CNTN5: variants seen among roughly 807,000 people sequenced by gnomAD.
CNTN5 encodes the protein contactin-5.
A neutral mutation model predicts 129.1 loss-of-function variants in CNTN5; 77 were observed. That is an observed-to-expected ratio of 0.60 (90% CI 0.50 to 0.72). CNTN5 has a LOEUF of 0.72. Among genes scored for constraint, CNTN5 ranks in the 30% least tolerant of loss-of-function variants. The pLI is 0.00. For missense variants in CNTN5, 1,478 were observed against 1,328.8 expected (o/e 1.11, Z -1.75); for synonymous variants, 509 against 465.6 (o/e 1.09, Z -1.20).
intron 21 of CNTN5, among the ~76,000 whole-genome samples, chr11:100,330,934 G>A (rs560741080): frequency 2.6e-4 from 39 of 152,136 alleles, no homozygotes; most frequent in African/African-American, 9.4e-4. Flanking sequence ...AAAAAACAAG[G>A]TATTCAGGCA....
intron 4 of CNTN5, among the ~76,000 whole-genome samples, chr11:99,825,182 C>T (rs1460795214): frequency 1.3e-5 from 2 of 151,914 alleles, no homozygotes; most frequent in East Asian, 3.9e-4. Context: ...TTAAAAGTAG[C>T]CAGTATCTGC....
intron 1 of CNTN5, among the ~76,000 whole-genome samples, chr11:99,304,903 G>T (rs979752679): frequency 4.6e-5 from 7 of 152,102 alleles, no homozygotes; most frequent in Non-Finnish European, 1.0e-4. Context: ...AAATAAATAA[G>T]TAGATCAAGT....
rs573676132 is a variant in CNTN5, at chr11:99,975,626, C to T, written c.877+18617C>T. On this transcript the variant is annotated intron_variant, in intron 8 of 24. Transcript: ENST00000524871. ...TGAAGGAAAAGTAAGGCATATCTTA[C>T]GTGGCAGCAGGAGAGAGAGATCGCG... Among the ~76,000 whole-genome samples the T allele has an allele frequency of 9.3e-4, 140 of 151,132 alleles. 5 individuals are homozygous for T. The South Asian group carries it at 0.028, about 30-fold the overall frequency.
At chr11:100,277,002 C>T (rs1020519921) in intron 18 of CNTN5, among the ~76,000 whole-genome samples, 2 of 152,014 alleles carry the variant, frequency 1.3e-5, no homozygotes, top group African/African-American at 4.8e-5. Context: ...GGTAACCAAC[C>T]TTCTACTCTC....
chr11:99,536,734 T>C (rs1361616729), intron 2 of CNTN5, among the ~76,000 whole-genome samples: 1 of 151,878 alleles, frequency 6.6e-6, no homozygotes, highest in Non-Finnish European at 1.5e-5. Flanking sequence ...GGAGAAAATA[T>C]TATTACTAAC....
rs1341581988 is a variant in CNTN5, at chr11:99,613,333, C to T, written c.55+57064C>T. ...GGGGCTCTTCCCGGCTTCGCTGGGC[C>T]TGTCTTCTTCCTGCAGTCTTGGGGA... On this transcript the variant is annotated intron_variant, in intron 3 of 24. Coordinates refer to ENST00000524871, the MANE Select transcript of CNTN5 (RefSeq NM_014361.4). Among the ~76,000 whole-genome samples the T allele has an allele frequency of 2.6e-5, 4 of 152,176 alleles. No homozygotes were observed. In the East Asian group the frequency reaches 5.8e-4, roughly 22 times the overall value.
intron 2 of CNTN5, among the ~76,000 whole-genome samples, chr11:99,496,423 AAGG>A (rs1946228957): frequency 6.6e-6 from 1 of 152,184 alleles, no homozygotes; most frequent in Non-Finnish European, 1.5e-5. Flanking sequence ...TCATAAATCT[AAGG>A]AGAAGAATGT....
rs188308982 is a variant in CNTN5 at position 100,014,271 on chromosome 11, C to G, written c.980+12135C>G. ...CTCTGCATAACAGCAGTATCTCTAACTCACCTCAAACCATTGGCATCATTA... is the reference window on the plus strand; with the variant it reads ...CTCTGCATAACAGCAGTATCTCTAAGTCACCTCAAACCATTGGCATCATTA... On this transcript the variant is annotated intron_variant, in intron 9 of 24. Transcript: ENST00000524871. Among the ~76,000 whole-genome samples, 331 of 152,264 alleles carry G rather than the reference C, an allele frequency of 2.2e-3. 1 individual carries two copies. The highest frequency in any genetic ancestry group is 0.02 in the Middle Eastern group (6 of 294).
chr11:99,328,906 A>G (rs2136019057), intron 2 of CNTN5, among the ~76,000 whole-genome samples: 1 of 134,930 alleles, frequency 7.4e-6, no homozygotes, highest in Non-Finnish European at 1.6e-5. Context: ...AACAGGAAAA[A>G]GAAAAAAAAA....
At chr11:99,329,560 A>G (rs1339695925) in intron 2 of CNTN5, among the ~76,000 whole-genome samples, 1 of 152,174 alleles carries the variant, frequency 6.6e-6, no homozygotes, top group Non-Finnish European at 1.5e-5. Flanking sequence ...CTATCTCTTC[A>G]TTAGATGGGT....
intron 1 of CNTN5, among the ~76,000 whole-genome samples, chr11:99,161,918 T>A (rs1860629750): frequency 6.6e-6 from 1 of 152,178 alleles, no homozygotes; most frequent in South Asian, 2.1e-4. Context: ...TAAAACACTA[T>A]GCAAAATCCA....
chr11:99,963,889 G>T (rs10791071), intron 8 of CNTN5, among the ~76,000 whole-genome samples: 84,570 of 151,796 alleles, frequency 0.56, 24,260 homozygotes, highest in African/African-American at 0.67. Context: ...TTGTAAGTTG[G>T]ATTCCTAAGT....
At chr11:99,578,502 C>T (rs966882172) in intron 3 of CNTN5, among the ~76,000 whole-genome samples, 7 of 150,674 alleles carry the variant, frequency 4.6e-5, no homozygotes, top group East Asian at 1.9e-4. Flanking sequence ...TGTTTCCTGA[C>T]TTTTTAATGA....
At chr11:99,059,613 C>G (rs1160301270) in intron 1 of CNTN5, among the ~76,000 whole-genome samples, 2 of 151,794 alleles carry the variant, frequency 1.3e-5, no homozygotes, top group African/African-American at 2.4e-5. Context: ...TTGAAAGAGT[C>G]CTTGCTGCCA....
chr11:99,058,157 G>T (rs1237892629), intron 1 of CNTN5, among the ~76,000 whole-genome samples: 1 of 152,042 alleles, frequency 6.6e-6, no homozygotes, highest in East Asian at 1.9e-4. Flanking sequence ...TCCTGAGTGA[G>T]TTGGGAAGCC....
rs188309461 is a variant in CNTN5 at position 99,937,419 on chromosome 11, C to T, written c.674-19387C>T. Among the ~76,000 whole-genome samples the T allele has an allele frequency of 5.9e-5, 9 of 152,338 alleles. No homozygotes were observed. In the East Asian group the frequency reaches 1.2e-3, roughly 20 times the overall value. ...TGGTGGATCATTCACTGGAACCGTT[C>T]TTCCCCTCAGGGAGAATGAAAGTCT... On this transcript the variant is annotated intron_variant, in intron 7 of 24. Transcript: ENST00000524871.
intron 9 of CNTN5, among the ~76,000 whole-genome samples, chr11:100,047,162 A>C (rs2137716341): frequency 6.6e-6 from 1 of 152,272 alleles, no homozygotes; most frequent in South Asian, 2.1e-4. Context: ...AGAAGGAACA[A>C]AAAAAACAGA....
chr11:100,138,480 A>C (rs1452506256), intron 13 of CNTN5, among the ~76,000 whole-genome samples: 1 of 152,112 alleles, frequency 6.6e-6, no homozygotes, highest in Non-Finnish European at 1.5e-5. Flanking sequence ...TGGAGAAAAA[A>C]ATAAATGGGT....
intron 3 of CNTN5, among the ~76,000 whole-genome samples, chr11:99,613,717 T>C (rs1012130123): frequency 6.6e-6 from 1 of 152,226 alleles, no homozygotes; most frequent in Non-Finnish European, 1.5e-5. Flanking sequence ...GACAAAATAA[T>C]GATTCACCAT....
Sources: allele counts gnomAD v4.1 joint callset (sites outside exome capture counted in the v4.1 genomes callset), GRCh38; gene constraint gnomAD v4.1.1; transcripts MANE v1.5; gene names NCBI Gene and HGNC (gene_info 2026-07-23, HGNC 2026-07-21).